Variants in EYA1 observed in about 807,000 individuals in gnomAD.
The protein encoded by EYA1 is EYA transcriptional coactivator and phosphatase 1.
In EYA1, 16 loss-of-function variants were observed where a neutral mutation model predicts 82.0. The ratio of observed to expected loss-of-function variants is 0.20; its 90% CI spans 0.13 to 0.30. EYA1 has a LOEUF of 0.30. Among genes scored for constraint, EYA1 ranks in the 10% least tolerant of loss-of-function variants. The pLI, the probability that EYA1 is intolerant of heterozygous loss-of-function variation, is 1.00. For missense variants in EYA1, 633 were observed against 730.7 expected, an observed-to-expected ratio of 0.87 and a Z score of 1.54; for synonymous variants, 261 against 264.4, an observed-to-expected ratio of 0.99 and a Z score of 0.12.
At chr8:71,512,676 G>A (rs1474452514) in intron 2 of EYA1, among the ~76,000 whole-genome samples, 19 of 151,936 alleles carry the variant, frequency 1.3e-4, no homozygotes, top group Admixed American at 1.2e-3. Flanking sequence ...TAAGCATAAT[G>A]AGCATCTAAA....
chr8:71,339,740 G>C (rs1824911425), intron 3 of EYA1, among the ~76,000 whole-genome samples: 1 of 152,166 alleles, frequency 6.6e-6, no homozygotes, highest in African/African-American at 2.4e-5. Context: ...CAATTGCCCA[G>C]TTCAAACTCT....
chr8:71,452,462 G>T (rs771952138), intron 2 of EYA1, among the ~76,000 whole-genome samples: 1 of 152,198 alleles, frequency 6.6e-6, no homozygotes, highest in African/African-American at 2.4e-5. Context: ...AGAATGGACA[G>T]ACTGCCTCCT....
intron 3 of EYA1, among the ~76,000 whole-genome samples, chr8:71,350,996 C>T (rs1047054948): frequency 6.6e-6 from 1 of 152,306 alleles, no homozygotes; most frequent in East Asian, 1.9e-4. Flanking sequence ...GCCTTTGCCA[C>T]GCAGAGGCTT....
intron 12 of EYA1, among the ~76,000 whole-genome samples, chr8:71,227,859 G>C (rs1451815649): frequency 6.6e-6 from 1 of 152,086 alleles, no homozygotes; most frequent in East Asian, 1.9e-4. Context: ...GCAGGGGTGA[G>C]AGTGGGGTTG....
intron 2 of EYA1, among the ~76,000 whole-genome samples, chr8:71,389,593 A>C (rs989928923): frequency 1.3e-5 from 2 of 152,218 alleles, no homozygotes; most frequent in Admixed American, 6.5e-5. Context: ...TGAAGTTAAG[A>C]ATATCAACAT....
At chr8:71,499,625 G>C (rs986225393) in intron 2 of EYA1, among the ~76,000 whole-genome samples, 1 of 152,164 alleles carries the variant, frequency 6.6e-6, no homozygotes, top group Admixed American at 6.5e-5. Flanking sequence ...AGGAATGGGG[G>C]TGGGTTGAAA....
intron 2 of EYA1, among the ~76,000 whole-genome samples, chr8:71,460,452 A>G (rs548744557): frequency 5.9e-5 from 9 of 152,306 alleles, no homozygotes; most frequent in Admixed American, 5.9e-4. Context: ...GAGAATATGA[A>G]GGCAAGCTTC....
intron 11 of EYA1, among the ~76,000 whole-genome samples, chr8:71,260,187 A>G (rs1814927719): frequency 6.6e-6 from 1 of 152,188 alleles, no homozygotes; most frequent in Non-Finnish European, 1.5e-5. Flanking sequence ...CAAAAAATTT[A>G]ACAGTAAAAC....
chr8:71,216,567 G>A, intron 14 of EYA1, 125 bp downstream of exon 14: 1 of 1,004,032 alleles, frequency 1.0e-6, no homozygotes, highest in Non-Finnish European at 1.6e-6. Flanking sequence ...ATAATGGCCA[G>A]TGAGATGAAA....
chr8:71,448,025 T>TTTTTTTTTTTTTTTTAGGTAACGGCG (rs935912194), intron 2 of EYA1, among the ~76,000 whole-genome samples: 1 of 116,736 alleles, frequency 8.6e-6, no homozygotes, highest in African/African-American at 3.4e-5. Flanking sequence ...TTTTTTTTTT[T>TTTTTTTTTTTTTTTTAGGTAACGGCG]TCTCGCTCCG....
chr8:71,224,331 A>G (rs150021803), intron 12 of EYA1, among the ~76,000 whole-genome samples: 1 of 152,372 alleles, frequency 6.6e-6, no homozygotes, highest in East Asian at 1.9e-4. Context: ...TTCCTTTTAC[A>G]AAACAAAAAT....
chr8:71,358,235 CTG>C (rs1277771365), intron 1 of EYA1, among the ~76,000 whole-genome samples: 5 of 152,102 alleles, frequency 3.3e-5, no homozygotes, highest in Middle Eastern at 3.2e-3. Flanking sequence ...CAAAGTCAAA[CTG>C]TTGTTAATAA....
At chr8:71,363,660 A>G (rs1827573834), upstream of EYA1, among the ~76,000 whole-genome samples, 1 of 152,200 alleles carries the variant, frequency 6.6e-6, no homozygotes, top group South Asian at 2.1e-4. Flanking sequence ...TGCAGAAAAT[A>G]AAATACAGCT....
intron 9 of EYA1, among the ~76,000 whole-genome samples, chr8:71,296,346 A>C (rs1462287029): frequency 6.6e-6 from 1 of 151,334 alleles, no homozygotes; most frequent in East Asian, 1.9e-4. Flanking sequence ...AACTTTAAAA[A>C]GGCACAAAAA....
chr8:71,206,508 A>G (rs1807791105), intron 17 of EYA1, among the ~76,000 whole-genome samples: 1 of 151,524 alleles, frequency 6.6e-6, no homozygotes, highest in Non-Finnish European at 1.5e-5. Context: ...AGTGTGAGCC[A>G]CCACTCTCCG....
intron 11 of EYA1, among the ~76,000 whole-genome samples, chr8:71,263,901 T>C (rs866820447): frequency 2.0e-5 from 3 of 152,194 alleles, no homozygotes; most frequent in Admixed American, 6.5e-5. Flanking sequence ...AAGAAAAATA[T>C]TTCATAAGAC....
rs191529021 is a variant in EYA1 at position 71,521,208 on chromosome 8, A to T, written c.33+14536T>A. Among the ~76,000 whole-genome samples the T allele has an allele frequency of 4.6e-5, 7 of 152,322 alleles. No homozygotes were observed. The South Asian group carries it at 6.2e-4, about 14-fold the overall frequency. ...TAGATACATATAGTAAATTAATAATAATAGCATCAACAAATACTGAGAACA... is the reference window on the plus strand; with the variant it reads ...TAGATACATATAGTAAATTAATAATTATAGCATCAACAAATACTGAGAACA... On this transcript the variant is annotated intron_variant, in intron 2 of 18. Coordinates refer to the EYA1 transcript ENST00000643681.
rs1367476826 is a variant in EYA1 at position 71,361,647 on chromosome 8, A to T, written c.-55T>A. On this transcript the variant is annotated splice_region_variant and 5_prime_UTR_variant, in exon 1 of 18. Coordinates refer to ENST00000340726, the MANE Select transcript of EYA1 (RefSeq NM_000503.6). ...TTTCAAACAGTCAGCTTGTACTTACAGCGCTTACATCTGCTGCATCCACCA... is the reference window on the plus strand; with the variant it reads ...TTTCAAACAGTCAGCTTGTACTTACTGCGCTTACATCTGCTGCATCCACCA... 1 of 985,076 alleles carries T rather than the reference A, an allele frequency of 1.0e-6. No individual in the cohort carries two copies. The highest frequency in any genetic ancestry group is 1.7e-5 in the African/African-American group (1 of 57,250). The allele number at this position is 985,076 out of a possible 1,614,324, so 61.0% of individuals were successfully genotyped here. A position where few individuals can be genotyped will look rare whatever the true frequency, so the allele number is the denominator to read the frequency against.
At chr8:71,227,923 CTAGA>C (rs1315439750) in intron 12 of EYA1, among the ~76,000 whole-genome samples, 1 of 152,060 alleles carries the variant, frequency 6.6e-6, no homozygotes, top group African/African-American at 2.4e-5. Flanking sequence ...ACTTATACTG[CTAGA>C]TAATTTTCTA....
Sources: gnomAD v4.1 joint callset for allele counts (sites outside exome capture counted in the v4.1 genomes callset) on GRCh38, gnomAD v4.1.1 for gene constraint, MANE v1.5 for transcripts, NCBI Gene and HGNC (gene_info 2026-07-23, HGNC 2026-07-21) for gene names.